The following PLXNA4 variants were observed in gnomAD, a reference collection of about 807,000 sequenced individuals.
PLXNA4 encodes plexin-A4.
Under a neutral mutation model 191.8 loss-of-function variants are expected in PLXNA4, and 44 were observed. That is an observed-to-expected ratio of 0.23 (90% CI 0.18 to 0.29). PLXNA4 has a LOEUF of 0.29. Among genes scored for constraint, PLXNA4 ranks in the 10% least tolerant of loss-of-function variants. The probability of loss-of-function intolerance (pLI) is 1.00; values close to 1 mark genes in which losing one functional copy is unlikely to be tolerated. For missense variants in PLXNA4, 1,800 were observed against 2,488.8 expected (o/e 0.72, Z 5.89); for synonymous variants, 1,082 against 1,009.5 (o/e 1.07, Z -1.36).
At chr7:132,445,156 GGA>G (rs1491149206) in intron 3 of PLXNA4, among the ~76,000 whole-genome samples, 1 of 15,130 alleles carries the variant, frequency 6.6e-5, no homozygotes, top group African/African-American at 1.7e-4. Flanking sequence ...CTCCATCTCA[GGA>G]AAAAAAAAAA....
At chr7:132,563,152 T>TCC (rs1801400024) in intron 1 of PLXNA4, among the ~76,000 whole-genome samples, 1 of 76,890 alleles carries the variant, frequency 1.3e-5, no homozygotes, top group Non-Finnish European at 2.7e-5. Context: ...CTCTTCCTCC[T>TCC]TCTCCTCCTC....
rs975043860 is a variant in PLXNA4 at position 132,165,309 on chromosome 7, G to C, written c.4287-109C>G. 6 of 1,443,018 alleles carry C rather than the reference G, an allele frequency of 4.2e-6. No individual in the cohort carries two copies. In the East Asian group the frequency reaches 7.4e-5, roughly 18 times the overall value. The allele number at this position is 1,443,018 out of a possible 1,614,324, so 89.4% of individuals were successfully genotyped here. A position where few individuals can be genotyped will look rare whatever the true frequency, so the allele number is the denominator to read the frequency against. ...GGAGGAATTGTGCATTGATCTTGCT[G>C]CTTCTAGCGTTTAGGCCAAACCTTG... On this transcript the variant is annotated intron_variant, in intron 22 of 31. Transcript: ENST00000321063.
At chr7:132,422,605 G>A (rs887097047) in intron 3 of PLXNA4, among the ~76,000 whole-genome samples, 1 of 152,124 alleles carries the variant, frequency 6.6e-6, no homozygotes, top group East Asian at 1.9e-4. Flanking sequence ...CCTGGCTCTC[G>A]GTCCCCTTCT....
intron 2 of PLXNA4, among the ~76,000 whole-genome samples, chr7:132,624,389 TC>T (rs1181133037): frequency 6.6e-6 from 1 of 152,200 alleles, no homozygotes; most frequent in Non-Finnish European, 1.5e-5. Flanking sequence ...GGCTACAGGT[TC>T]TGTCTCTTCA....
chr7:132,299,492 T>C (rs1195250477), intron 3 of PLXNA4, among the ~76,000 whole-genome samples: 1 of 152,162 alleles, frequency 6.6e-6, no homozygotes, highest in Non-Finnish European at 1.5e-5. Flanking sequence ...GATATCAGGT[T>C]ATTTTGTGGT....
chr7:132,590,395 T>C (rs1802585774), intron 2 of PLXNA4, among the ~76,000 whole-genome samples: 1 of 152,198 alleles, frequency 6.6e-6, no homozygotes, highest in Non-Finnish European at 1.5e-5. Context: ...TAAGGAGTAT[T>C]GACTCACACG....
chr7:132,298,236 G>C lies in PLXNA4; in HGVS notation c.1372-14C>G. 1 of 1,606,732 alleles carries C rather than the reference G, an allele frequency of 6.2e-7. No individual in the cohort carries two copies. The highest frequency in any genetic ancestry group is 8.5e-7 in the Non-Finnish European group (1 of 1,176,666). Reference sequence around the variant, plus strand: ...ATCCACCCGGATCTGTGGAGAAGAAGAGGAGAGCCAAAGTGAGTTCAGATC... The same window carrying C: ...ATCCACCCGGATCTGTGGAGAAGAACAGGAGAGCCAAAGTGAGTTCAGATC... On this transcript the variant is annotated splice_polypyrimidine_tract_variant and intron_variant, in intron 3 of 31. Transcript: ENST00000321063.
Position 132,185,285 on chromosome 7 carries a change from G to A in PLXNA4, c.3158+14C>T, listed in dbSNP as rs1796839809. ...GGTGCAGAAGCATTAAGGTCCGCTTGGGCCAGCTCCTACCTGACAATGCTC... is the reference window on the plus strand; with the variant it reads ...GGTGCAGAAGCATTAAGGTCCGCTTAGGCCAGCTCCTACCTGACAATGCTC... On this transcript the variant is annotated intron_variant, in intron 16 of 31. Transcript: ENST00000321063. 1.2e-6 allele frequency: 2 copies of A among 1,605,502 alleles called. No homozygotes were observed. The highest frequency in any genetic ancestry group is 1.3e-5 in the African/African-American group (1 of 74,640).
At chr7:132,448,105 A>C (rs1184561096) in intron 3 of PLXNA4, among the ~76,000 whole-genome samples, 1 of 152,236 alleles carries the variant, frequency 6.6e-6, no homozygotes, top group Non-Finnish European at 1.5e-5. Context: ...ACATTGGACT[A>C]CTAGGTTCCA....
intron 2 of PLXNA4, among the ~76,000 whole-genome samples, chr7:132,591,151 C>T (rs1027036015): frequency 5.9e-5 from 9 of 152,150 alleles, no homozygotes; most frequent in African/African-American, 1.7e-4. Context: ...GTCAAGGTGT[C>T]ATCCTCTGCA....
chr7:132,416,073 T>C lies in PLXNA4; in HGVS notation c.1371+73219A>G, dbSNP rs576407687. 1.2e-3 allele frequency among the ~76,000 whole-genome samples: 190 copies of C among 152,336 alleles called. 1 individual carries two copies. Among genetic ancestry groups the C allele is most frequent in the South Asian group, 3.7e-3 (18 of 4,828 alleles). ...TAGCCACATTTCAAGTGCTCAGTAG[T>C]CCCATGTGGCTGGTGGCCACCAGAA... On this transcript the variant is annotated intron_variant, in intron 3 of 31. Transcript: ENST00000321063.
chr7:132,235,043 G>A (rs1798651066), intron 5 of PLXNA4, among the ~76,000 whole-genome samples: 4 of 152,232 alleles, frequency 2.6e-5, no homozygotes, highest in Non-Finnish European at 4.4e-5. Context: ...GTCATTAAGT[G>A]GACATTGGCA....
At chr7:132,449,888 G>A (rs1796056044) in intron 3 of PLXNA4, among the ~76,000 whole-genome samples, 2 of 152,206 alleles carry the variant, frequency 1.3e-5, no homozygotes, top group Admixed American at 1.3e-4. Context: ...AAATATTTTG[G>A]AAAATGCTCA....
intron 30 of PLXNA4, among the ~76,000 whole-genome samples, chr7:132,136,709 T>A (rs281877): frequency 0.25 from 37,883 of 152,086 alleles, 6,291 homozygotes; most frequent in African/African-American, 0.46. Context: ...TGCCTTTAGG[T>A]TAGCTCTGTA....
Position 132,182,130 on chromosome 7 carries a change from G to A in PLXNA4, c.3219C>T (p.Ile1073=). ...GCTCCTTCCCTCCATGCTTGGCACGGATCTGGGGGTTCTGTATGAGGTCCA... is the reference window on the plus strand; with the variant it reads ...GCTCCTTCCCTCCATGCTTGGCACGAATCTGGGGGTTCTGTATGAGGTCCA... ...THLDLIQNPQ[I]RAKHGGKEHI... is the part of the protein sequence containing the mutation. Residue 1073 remains isoleucine (I), a synonymous_variant, in exon 17 of 32, where the codon ATC becomes ATT. Coordinates refer to ENST00000321063, the MANE Select transcript of PLXNA4 (RefSeq NM_020911.2). 1 of 1,614,184 alleles carries A rather than the reference G, an allele frequency of 6.2e-7. No homozygotes were observed. The highest frequency in any genetic ancestry group is 1.1e-5 in the South Asian group (1 of 91,076).
chr7:132,595,433 T>C (rs1441569083), intron 2 of PLXNA4, among the ~76,000 whole-genome samples: 4 of 152,166 alleles, frequency 2.6e-5, no homozygotes, highest in Non-Finnish European at 5.9e-5. Flanking sequence ...CCATGCTAAA[T>C]TGGGAGATCC....
chr7:132,576,411 C>T lies in PLXNA4; in HGVS notation c.-87+11G>A. 1 of 985,658 alleles carries T rather than the reference C, an allele frequency of 1.0e-6. No individual in the cohort carries two copies. Among genetic ancestry groups the T allele is most frequent in the South Asian group, 4.7e-5 (1 of 21,276 alleles). The allele number at this position is 985,658 out of a possible 1,614,324, so 61.1% of individuals were successfully genotyped here. ...CGCCCGGCCCCACTCCCCGGCGGGC[C>T]GGCTCCTTACCTGGACGCGCCGCGT... On this transcript the variant is annotated intron_variant, in intron 1 of 31. Transcript: ENST00000321063. The surrounding 1 kb of genome is among the most constrained non-coding windows in gnomAD (Gnocchi z 5.8).
At chr7:132,620,795 G>A (rs972767557) in intron 2 of PLXNA4, among the ~76,000 whole-genome samples, 6 of 152,068 alleles carry the variant, frequency 3.9e-5, no homozygotes, top group Admixed American at 3.9e-4. Flanking sequence ...TTAACCATTT[G>A]TCTTAGTCGT....
In PLXNA4 at chr7:132,126,279, G is replaced by C. The variant is rs1343785102; in HGVS notation, c.*4200C>G. On this transcript the variant is annotated 3_prime_UTR_variant, in exon 32 of 32. Transcript: ENST00000321063. Reference sequence around the variant, plus strand: ...GGGACCCATAGGGCCTTGGCTAGACGAGGGAGCTCCTACAGCCAGGAAGGC... The same window carrying C: ...GGGACCCATAGGGCCTTGGCTAGACCAGGGAGCTCCTACAGCCAGGAAGGC... 3 of 152,532 alleles carry C rather than the reference G, an allele frequency of 2.0e-5. No homozygotes were observed. The highest frequency in any genetic ancestry group is 4.8e-5 in the African/African-American group (2 of 41,456). 9.4% of individuals were successfully genotyped at this position (152,532 alleles called of 1,614,324 possible).
Sources: allele counts gnomAD v4.1 joint callset (sites outside exome capture counted in the v4.1 genomes callset), GRCh38; gene constraint gnomAD v4.1.1; non-coding constraint Gnocchi (gnomAD v3.1); transcripts MANE v1.5; gene names NCBI Gene and HGNC (gene_info 2026-07-23, HGNC 2026-07-21).